Variants in RUFY1 observed in about 807,000 individuals in gnomAD.
The protein encoded by RUFY1 is RUN and FYVE domain-containing protein 1.
A neutral mutation model predicts 94.6 loss-of-function variants in RUFY1; 54 were observed. That is an observed-to-expected ratio of 0.57 (90% CI 0.46 to 0.72). The LOEUF (loss-of-function observed/expected upper bound fraction) is 0.72. RUFY1 is among the 30% of genes least tolerant of loss of function. The pLI, the probability that RUFY1 is intolerant of heterozygous loss-of-function variation, is 0.00. For synonymous variants in RUFY1, 396 were observed against 347.3 expected, an observed-to-expected ratio of 1.14 and a Z score of -1.56; for missense variants, 883 against 883.9, an observed-to-expected ratio of 1.00 and a Z score of 0.01.
At chr5:179,556,352 G>C (rs564265057) in intron 1 of RUFY1, among the ~76,000 whole-genome samples, 2 of 152,178 alleles carry the variant, frequency 1.3e-5, no homozygotes, top group African/African-American at 2.4e-5. Flanking sequence ...ATAAGTTAAA[G>C]TTTAATAAAT....
intron 8 of RUFY1, chr5:179,586,183 T>C (rs1255339392): frequency 2.3e-6 from 1 of 438,100 alleles, no homozygotes; most frequent in Non-Finnish European, 4.3e-6. Flanking sequence ...TTTTCTGCCC[T>C]TCCCATGATG....
intron 7 of RUFY1, among the ~76,000 whole-genome samples, chr5:179,584,068 A>G (rs922369683): frequency 5.3e-5 from 8 of 152,262 alleles, no homozygotes; most frequent in African/African-American, 1.9e-4. Context: ...AGAAAAATAT[A>G]CAATTGGGGG....
intron 12 of RUFY1, chr5:179,596,171 C>A: frequency 3.3e-6 from 1 of 302,744 alleles, no homozygotes; most frequent in African/African-American, 2.3e-5. Flanking sequence ...AGGAATGAAC[C>A]ACTGCCCTTT....
chr5:179,589,234 C>A, intron 8 of RUFY1: 1 of 326,176 alleles, frequency 3.1e-6, no homozygotes, highest in Non-Finnish European at 5.8e-6. Context: ...AGTGAACATT[C>A]AGGCTGTTTC....
At chr5:179,577,807 A>C (rs1486842132) in intron 6 of RUFY1, among the ~76,000 whole-genome samples, 1 of 147,464 alleles carries the variant, frequency 6.8e-6, no homozygotes, top group East Asian at 2.0e-4. Flanking sequence ...ATGTGCGCAC[A>C]TCGGGTGGTG....
intron 16 of RUFY1, chr5:179,606,423 G>A (rs535355825): frequency 6.8e-4 from 112 of 163,532 alleles, no homozygotes; most frequent in South Asian, 8.3e-4. Context: ...CAGGTGGCCC[G>A]GTGTGGGTGC....
chr5:179,565,247 C>T (rs148021856), intron 3 of RUFY1, among the ~76,000 whole-genome samples: 12,780 of 143,456 alleles, frequency 0.089, 1,688 homozygotes, highest in East Asian at 0.63. Context: ...GGCACAATCT[C>T]GACTCACTGC....
intron 15 of RUFY1, among the ~76,000 whole-genome samples, chr5:179,603,212 C>T (rs1322962555): frequency 6.6e-6 from 1 of 151,914 alleles, no homozygotes; most frequent in Non-Finnish European, 1.5e-5. Flanking sequence ...TTGCAGTAAG[C>T]CGAGATTGCA....
At position 179,550,887 on chromosome 5, in the gene RUFY1, CG is replaced by C. The variant is rs1253199000; in HGVS notation, c.310+11del. The C allele has an allele frequency of 8.7e-7, 1 of 1,145,830 alleles. No individual in the cohort carries two copies. The highest frequency in any genetic ancestry group is 1.1e-6 in the Non-Finnish European group (1 of 935,314). 71.0% of individuals were successfully genotyped at this position (1,145,830 alleles called of 1,614,324 possible). The stretch of plus-strand genomic sequence containing the variant: ...ACGGCACGGCGCGCGCAGGTAGGCT[CG>C]GGCCGGGTCTGTCCCGCGGCGGACT... On this transcript the variant is annotated intron_variant, in intron 1 of 17. Transcript: ENST00000319449.
chr5:179,604,186 G>A (rs1024240217), intron 15 of RUFY1, among the ~76,000 whole-genome samples: 2 of 152,204 alleles, frequency 1.3e-5, no homozygotes, highest in African/African-American at 4.8e-5. Context: ...GGGTGTCACA[G>A]CATCAGGTGT....
intron 1 of RUFY1, chr5:179,555,574 T>C (rs1434092061): frequency 2.6e-6 from 1 of 378,876 alleles, no homozygotes; most frequent in Admixed American, 3.1e-5. Context: ...CCTGGAACAC[T>C]GGTCTTAACA....
At chr5:179,594,691 G>T (rs1280379845) in intron 11 of RUFY1, among the ~76,000 whole-genome samples, 175 bp from the exon 12 acceptor site, 3 of 138,810 alleles carry the variant, frequency 2.2e-5, no homozygotes, top group Non-Finnish European at 3.1e-5. Flanking sequence ...AACCCGGGAG[G>T]CGGAGCTGGC....
At chr5:179,601,744 AG>A (rs1581559686) in intron 14 of RUFY1, 147 bp from the exon 15 acceptor site, 1 of 577,156 alleles carries the variant, frequency 1.7e-6, no homozygotes, top group Non-Finnish European at 3.1e-6. Flanking sequence ...GCTTGAACCC[AG>A]GAGGCGGAGG....
At chr5:179,598,138 C>G (rs1007457105) in intron 13 of RUFY1, 1 of 153,170 alleles carries the variant, frequency 6.5e-6, no homozygotes, top group Non-Finnish European at 1.5e-5. Context: ...TGCAGTGAGC[C>G]AAGATTGTGC....
intron 7 of RUFY1, among the ~76,000 whole-genome samples, chr5:179,584,073 TGGG>T (rs1764408698): frequency 6.6e-6 from 1 of 152,200 alleles, no homozygotes; most frequent in Non-Finnish European, 1.5e-5. Context: ...AATATACAAT[TGGG>T]GGGTATTTTC....
chr5:179,578,282 C>T (rs1172135759), intron 6 of RUFY1, among the ~76,000 whole-genome samples: 1 of 151,982 alleles, frequency 6.6e-6, no homozygotes, highest in Non-Finnish European at 1.5e-5. Context: ...GGTGCAATCT[C>T]GGCTCACTGC....
chr5:179,602,271 G>A, intron 15 of RUFY1: 1 of 369,308 alleles, frequency 2.7e-6, no homozygotes, highest in Non-Finnish European at 5.0e-6. Flanking sequence ...CAGGGCCTGA[G>A]GGAACAGATG....
chr5:179,577,358 G>A (rs1411935767), intron 6 of RUFY1, among the ~76,000 whole-genome samples: 3 of 150,748 alleles, frequency 2.0e-5, no homozygotes, highest in Non-Finnish European at 4.4e-5. Flanking sequence ...TTTTAGAGAC[G>A]GGGTTTCACC....
At chr5:179,551,528 G>A (rs1425918497) in intron 1 of RUFY1, among the ~76,000 whole-genome samples, 1 of 151,992 alleles carries the variant, frequency 6.6e-6, no homozygotes, top group African/African-American at 2.4e-5. Context: ...GTCTTGCTCT[G>A]TCGCCCAGGC....
Sources: gnomAD v4.1 joint callset for allele counts (sites outside exome capture counted in the v4.1 genomes callset) on GRCh38, gnomAD v4.1.1 for gene constraint, MANE v1.5 for transcripts, NCBI Gene and HGNC (gene_info 2026-07-23, HGNC 2026-07-21) for gene names.